The following NPSR1 variants were observed in gnomAD, a reference collection of about 807,000 sequenced individuals.
NPSR1 encodes neuropeptide S receptor.
A neutral mutation model predicts 46.9 loss-of-function variants in NPSR1; 48 were observed. The ratio of observed to expected loss-of-function variants is 1.02; its 90% CI spans 0.81 to 1.30. The LOEUF is 1.30. Ranked by LOEUF, NPSR1 falls within the 50% of genes most tolerant of loss-of-function variation. The pLI is 0.00. For missense variants in NPSR1, 450 were observed against 449.5 expected (o/e 1.00, Z -0.01); for synonymous variants, 176 against 168.1 (o/e 1.05, Z -0.36).
chr7:34,693,878 C>T (rs1483571706), intron 2 of NPSR1, among the ~76,000 whole-genome samples: 1 of 152,102 alleles, frequency 6.6e-6, no homozygotes, highest in Non-Finnish European at 1.5e-5. Context: ...AGACATGATT[C>T]ACCACATTAA....
intron 2 of NPSR1, among the ~76,000 whole-genome samples, chr7:34,771,118 C>G (rs35119669): frequency 0.023 from 3,462 of 152,196 alleles, 117 homozygotes; most frequent in African/African-American, 0.078. Context: ...CTGTGGGACT[C>G]AGCTTTATTC....
At chr7:34,755,250 C>G (rs758062676) in intron 2 of NPSR1, among the ~76,000 whole-genome samples, 10 of 152,214 alleles carry the variant, frequency 6.6e-5, no homozygotes, top group Non-Finnish European at 1.3e-4. Flanking sequence ...TCCTCATCCT[C>G]ACCAACATTT....
At chr7:34,858,495 A>G (rs554980439) in intron 8 of NPSR1, among the ~76,000 whole-genome samples, 3 of 151,994 alleles carry the variant, frequency 2.0e-5, no homozygotes, top group Non-Finnish European at 4.4e-5. Flanking sequence ...AAATTAAATT[A>G]TCATATTTAG....
At chr7:34,691,284 A>T (rs1793236164) in intron 2 of NPSR1, among the ~76,000 whole-genome samples, 1 of 152,234 alleles carries the variant, frequency 6.6e-6, no homozygotes, top group Non-Finnish European at 1.5e-5. Flanking sequence ...ACACACAGAT[A>T]CAAAGCTCAC....
At chr7:34,686,404 C>T (rs1172534403) in intron 2 of NPSR1, among the ~76,000 whole-genome samples, 1 of 152,088 alleles carries the variant, frequency 6.6e-6, no homozygotes, top group Non-Finnish European at 1.5e-5. Context: ...TTCCTTCATA[C>T]ACATTTTAGC....
chr7:34,744,176 A>G (rs1335772952), intron 2 of NPSR1, among the ~76,000 whole-genome samples: 2 of 152,120 alleles, frequency 1.3e-5, no homozygotes, highest in Admixed American at 6.5e-5. Flanking sequence ...TAGAATTGCT[A>G]TATCTTCCTG....
chr7:34,831,009 C>T (rs1172259198), intron 5 of NPSR1, among the ~76,000 whole-genome samples: 1 of 152,180 alleles, frequency 6.6e-6, no homozygotes, highest in Non-Finnish European at 1.5e-5. Context: ...ATACCAACTC[C>T]ACAGTAGAGC....
intron 2 of NPSR1, among the ~76,000 whole-genome samples, chr7:34,713,636 G>A (rs1363649935): frequency 3.3e-5 from 5 of 152,130 alleles, no homozygotes; most frequent in African/African-American, 1.2e-4. Context: ...TTTAGAGGCT[G>A]GTGTTTTCAC....
intron 2 of NPSR1, among the ~76,000 whole-genome samples, chr7:34,700,194 T>G (rs1181552711): frequency 6.6e-6 from 1 of 151,926 alleles, no homozygotes; most frequent in Non-Finnish European, 1.5e-5. Flanking sequence ...ATAAGGCGGA[T>G]GTAACGAGAG....
At chr7:34,830,851 T>G (rs1297943286) in intron 5 of NPSR1, among the ~76,000 whole-genome samples, 1 of 152,206 alleles carries the variant, frequency 6.6e-6, no homozygotes, top group African/African-American at 2.4e-5. Context: ...CATGGTGAGC[T>G]GCTGATGCCT....
At chr7:34,681,975 T>A (rs1458532) in intron 1 of NPSR1, among the ~76,000 whole-genome samples, 19,315 of 152,114 alleles carry the variant, frequency 0.13, 1,300 homozygotes, top group Middle Eastern at 0.17. Context: ...ATTTAAATAA[T>A]TATCTTGGGA....
At chr7:34,777,862 T>A (rs1787043265) in intron 2 of NPSR1, among the ~76,000 whole-genome samples, 1 of 152,076 alleles carries the variant, frequency 6.6e-6, no homozygotes, top group Admixed American at 6.6e-5. Flanking sequence ...AGAGGAAAAA[T>A]GTCCTGATCT....
intron 2 of NPSR1, among the ~76,000 whole-genome samples, chr7:34,734,941 G>A (rs1784599533): frequency 2.6e-5 from 4 of 152,094 alleles, no homozygotes; most frequent in African/African-American, 2.4e-5. Flanking sequence ...TTCTGAGATG[G>A]TGTTATGCAA....
chr7:34,677,978 C>T (rs1371346625), intron 1 of NPSR1, among the ~76,000 whole-genome samples: 1 of 152,142 alleles, frequency 6.6e-6, no homozygotes, highest in East Asian at 1.9e-4. Context: ...CACATTCCAC[C>T]CTTGCCTCCT....
intron 2 of NPSR1, among the ~76,000 whole-genome samples, chr7:34,686,308 T>A (rs935725936): frequency 1.3e-5 from 2 of 152,200 alleles, no homozygotes; most frequent in Non-Finnish European, 2.9e-5. Flanking sequence ...GCATTTTAAA[T>A]GAAGAATTCC....
chr7:34,727,806 T>C (rs1383157903), intron 2 of NPSR1, among the ~76,000 whole-genome samples: 1 of 152,196 alleles, frequency 6.6e-6, no homozygotes, highest in Non-Finnish European at 1.5e-5. Context: ...TCACCACACA[T>C]TAAAGTGCCC....
chr7:34,750,128 AT>A (rs34129840), intron 2 of NPSR1: 10,787 of 239,766 alleles, frequency 0.045, 5 homozygotes, highest in South Asian at 0.1. Context: ...TCGTGTATGT[AT>A]TTTTTTTTTT....
At chr7:34,855,624 A>G (rs1381328504) in intron 8 of NPSR1, among the ~76,000 whole-genome samples, 5 of 152,244 alleles carry the variant, frequency 3.3e-5, no homozygotes, top group South Asian at 2.1e-4. Flanking sequence ...CACCAATTTT[A>G]TAGTCTTCAG....
intron 2 of NPSR1, among the ~76,000 whole-genome samples, chr7:34,714,592 G>C (rs761593721): frequency 2.6e-5 from 4 of 152,192 alleles, no homozygotes; most frequent in Admixed American, 6.5e-5. Context: ...AAAGATGATA[G>C]ATCTCCTGGA....
Sources: allele counts gnomAD v4.1 joint callset (sites outside exome capture counted in the v4.1 genomes callset), GRCh38; gene constraint gnomAD v4.1.1; transcripts MANE v1.5; gene names NCBI Gene and HGNC (gene_info 2026-07-23, HGNC 2026-07-21).